Variants in AFF3 observed in about 807,000 individuals in gnomAD.
The protein encoded by AFF3 is AF4/FMR2 family member 3.
Under a neutral mutation model 129.7 loss-of-function variants are expected in AFF3, and 32 were observed. That is an observed-to-expected ratio of 0.25 (90% CI 0.19 to 0.33). AFF3 has a LOEUF of 0.33. Ranked by LOEUF, AFF3 falls within the 10% of genes least tolerant of loss-of-function variation. The pLI is 1.00. For missense variants in AFF3, 1,373 were observed against 1,592.0 expected, an observed-to-expected ratio of 0.86 and a Z score of 2.34; for synonymous variants, 644 against 635.4, an observed-to-expected ratio of 1.01 and a Z score of -0.20.
intron 11 of AFF3, among the ~76,000 whole-genome samples, chr2:99,685,597 C>A (rs1165726147): frequency 1.3e-5 from 2 of 152,128 alleles, no homozygotes; most frequent in African/African-American, 4.8e-5. Flanking sequence ...AGTAAAACTG[C>A]AGAATCAAGT....
intron 13 of AFF3, among the ~76,000 whole-genome samples, chr2:99,637,572 G>A (rs1309676150): frequency 6.6e-6 from 1 of 152,224 alleles, no homozygotes; most frequent in Non-Finnish European, 1.5e-5. Flanking sequence ...TGGCATCAGT[G>A]TAAACATTCT....
At chr2:100,030,769 G>A (rs574021868) in intron 4 of AFF3, among the ~76,000 whole-genome samples, 4 of 152,298 alleles carry the variant, frequency 2.6e-5, no homozygotes, top group African/African-American at 9.6e-5. Flanking sequence ...CTACATATTG[G>A]ATGATTCCAA....
At chr2:99,731,634 T>C (rs1679839454) in intron 10 of AFF3, among the ~76,000 whole-genome samples, 1 of 152,228 alleles carries the variant, frequency 6.6e-6, no homozygotes, top group Admixed American at 6.5e-5. Context: ...AATAATTTAA[T>C]TTTTGGTCTT....
intron 7 of AFF3, among the ~76,000 whole-genome samples, chr2:99,959,159 C>T (rs1676965288): frequency 6.6e-6 from 1 of 151,852 alleles, no homozygotes; most frequent in South Asian, 2.1e-4. Context: ...ACCAAATGCT[C>T]TTAGGGAAGA....
At chr2:99,553,860 G>A (rs1166284939) in intron 24 of AFF3, among the ~76,000 whole-genome samples, 1 of 141,360 alleles carries the variant, frequency 7.1e-6, no homozygotes, top group African/African-American at 2.7e-5. Context: ...GTTGCAGTGA[G>A]CCGAGATAGT....
intron 7 of AFF3, among the ~76,000 whole-genome samples, chr2:99,990,915 C>T (rs560156508): frequency 5.9e-5 from 9 of 152,100 alleles, no homozygotes; most frequent in Admixed American, 3.9e-4. Flanking sequence ...ATGCCCAGGG[C>T]GCAGCTGGAA....
rs1576415567 is a variant in AFF3, at chr2:99,950,911, C to T, written c.873+55721G>A. Among the ~76,000 whole-genome samples the T allele has an allele frequency of 8.5e-5, 13 of 152,322 alleles. No homozygotes were observed. In the South Asian group the frequency reaches 2.5e-3, roughly 29 times the overall value. The stretch of plus-strand genomic sequence containing the variant: ...AAGATAATGAGACTACATATGTCTA[C>T]ATCCAAACACACGTGCCTGTGTGCA... On this transcript the variant is annotated intron_variant, in intron 7 of 24. Transcript: ENST00000672756.
At chr2:99,872,800 A>T (rs1029186874) in intron 7 of AFF3, among the ~76,000 whole-genome samples, 3 of 152,156 alleles carry the variant, frequency 2.0e-5, no homozygotes, top group African/African-American at 7.2e-5. Flanking sequence ...AAAAGCCCAC[A>T]TTCATTAACA....
chr2:100,088,356 A>T (rs1231510196), intron 4 of AFF3, among the ~76,000 whole-genome samples: 1 of 152,230 alleles, frequency 6.6e-6, no homozygotes, highest in African/African-American at 2.4e-5. Context: ...TATAAAAAAG[A>T]AAGTAAAAAT....
At chr2:100,006,497 T>C (rs1681981049) in intron 7 of AFF3, 135 bp downstream of exon 7, 2 of 1,131,068 alleles carry the variant, frequency 1.8e-6, no homozygotes, top group African/African-American at 3.1e-5. Context: ...CCCCTTTCAG[T>C]GACTGCTACA....
chr2:99,766,458 C>T (rs1683030811), intron 8 of AFF3, among the ~76,000 whole-genome samples: 2 of 152,200 alleles, frequency 1.3e-5, no homozygotes, highest in Non-Finnish European at 2.9e-5. Context: ...TTATAGGAAA[C>T]AGAAAATGTC....
intron 7 of AFF3, among the ~76,000 whole-genome samples, chr2:99,851,419 T>C (rs1475677430): frequency 6.6e-6 from 1 of 152,244 alleles, no homozygotes; most frequent in African/African-American, 2.4e-5. Flanking sequence ...TTGTGTATTG[T>C]GAAGGCCAGT....
chr2:99,762,787 C>T (rs757580955), intron 8 of AFF3, among the ~76,000 whole-genome samples: 12 of 152,198 alleles, frequency 7.9e-5, no homozygotes, highest in East Asian at 1.9e-4. Flanking sequence ...AAACAAGACA[C>T]GGGATGAATT....
At chr2:99,913,211 A>G (rs1399976072) in intron 7 of AFF3, among the ~76,000 whole-genome samples, 1 of 152,234 alleles carries the variant, frequency 6.6e-6, no homozygotes, top group African/African-American at 2.4e-5. Flanking sequence ...ATTATTTTAA[A>G]CAAATATTGA....
At chr2:100,064,967 G>A (rs73966414) in intron 4 of AFF3, among the ~76,000 whole-genome samples, 6 of 152,166 alleles carry the variant, frequency 3.9e-5, no homozygotes, top group Admixed American at 6.5e-5. Flanking sequence ...AAGTCATGCC[G>A]ATAATGTGCA....
chr2:99,865,712 C>T (rs1484816598), intron 7 of AFF3, among the ~76,000 whole-genome samples: 1 of 151,994 alleles, frequency 6.6e-6, no homozygotes. Context: ...AGGAGACAAC[C>T]CTGTTTACAG....
intron 8 of AFF3, among the ~76,000 whole-genome samples, chr2:99,762,491 A>G (rs752893835): frequency 2.0e-5 from 3 of 152,190 alleles, no homozygotes; most frequent in Non-Finnish European, 4.4e-5. Context: ...TGTTACCACT[A>G]TCAGAATATT....
intron 7 of AFF3, among the ~76,000 whole-genome samples, chr2:99,981,573 C>T (rs187998585): frequency 6.6e-6 from 1 of 152,288 alleles, no homozygotes; most frequent in East Asian, 1.9e-4. Context: ...CTAGATAACA[C>T]ATTATGACAA....
At chr2:99,729,691 A>G (rs1005525388) in intron 10 of AFF3, among the ~76,000 whole-genome samples, 5 of 152,086 alleles carry the variant, frequency 3.3e-5, no homozygotes, top group East Asian at 1.9e-4. Flanking sequence ...TGATGAATGT[A>G]ATGGAACATT....
Sources: gnomAD v4.1 joint callset for allele counts (sites outside exome capture counted in the v4.1 genomes callset) on GRCh38, gnomAD v4.1.1 for gene constraint, MANE v1.5 for transcripts, NCBI Gene and HGNC (gene_info 2026-07-23, HGNC 2026-07-21) for gene names.